Variants in RAB3GAP2 observed in about 807,000 individuals in gnomAD.
RAB3GAP2 encodes the protein RAB3 GTPase activating non-catalytic protein subunit 2.
Under a neutral mutation model 185.3 loss-of-function variants are expected in RAB3GAP2, and 87 were observed. The observed-to-expected ratio is 0.47, with a 90% CI of 0.39 to 0.56. The LOEUF is 0.56. Among genes scored for constraint, RAB3GAP2 ranks in the 20% least tolerant of loss-of-function variants. The probability of loss-of-function intolerance (pLI) is 0.00; values close to 1 mark genes in which losing one functional copy is unlikely to be tolerated. For synonymous variants in RAB3GAP2, 554 were observed against 576.1 expected (o/e 0.96, Z 0.55); for missense variants, 1,492 against 1,638.2 (o/e 0.91, Z 1.54).
At chr1:220,242,751 A>G (rs988149224) in intron 1 of RAB3GAP2, among the ~76,000 whole-genome samples, 1 of 152,224 alleles carries the variant, frequency 6.6e-6, no homozygotes, top group Admixed American at 6.5e-5. Context: ...AAATGAGTAG[A>G]GAAAATGTGA....
At chr1:220,253,434 T>TA (rs1659974492) in intron 1 of RAB3GAP2, 2 of 1,394,550 alleles carry the variant, frequency 1.4e-6, no homozygotes, top group East Asian at 5.1e-5. Context: ...GCCAGACTGT[T>TA]AAAAGAAAAC....
At chr1:220,260,649 A>G (rs1234391005) in intron 1 of RAB3GAP2, among the ~76,000 whole-genome samples, 1 of 152,122 alleles carries the variant, frequency 6.6e-6, no homozygotes, top group African/African-American at 2.4e-5. Context: ...TGCTGGGCTT[A>G]ATACCTGGGT....
At chr1:220,225,628 A>G (rs1450034269) in intron 2 of RAB3GAP2, among the ~76,000 whole-genome samples, 1 of 152,226 alleles carries the variant, frequency 6.6e-6, no homozygotes, top group African/African-American at 2.4e-5. Flanking sequence ...GAGAATCACT[A>G]GGCTAGACTA....
intron 28 of RAB3GAP2, among the ~76,000 whole-genome samples, chr1:220,161,973 T>C (rs1657970829): frequency 6.6e-6 from 1 of 152,196 alleles, no homozygotes; most frequent in African/African-American, 2.4e-5. Flanking sequence ...CTAATCTCTT[T>C]AGTTAAGAGG....
intron 2 of RAB3GAP2, among the ~76,000 whole-genome samples, chr1:220,218,180 G>A (rs888751292): frequency 1.3e-5 from 2 of 152,014 alleles, no homozygotes; most frequent in East Asian, 3.9e-4. Flanking sequence ...TGAAGACGGG[G>A]GAATAAAGAA....
At chr1:220,270,107 C>T (rs1204661978) in intron 1 of RAB3GAP2, among the ~76,000 whole-genome samples, 1 of 152,160 alleles carries the variant, frequency 6.6e-6, no homozygotes, top group Non-Finnish European at 1.5e-5. Flanking sequence ...TTTTTCTATC[C>T]TTTTCTTACC....
In RAB3GAP2 at chr1:220,253,851, A is replaced by G. The variant is rs1571930890; in HGVS notation, c.115+18372T>C. 2.5e-6 allele frequency: 4 copies of G among 1,612,870 alleles called. No homozygotes were observed. The South Asian group carries it at 4.4e-5, about 18-fold the overall frequency. ...AGGGGAAGATGAGAGGGGCTGCCCC[A>G]GGAAAGAAGACATCTGGTCTGCAAC... On this transcript the variant is annotated intron_variant, in intron 1 of 34. Coordinates refer to ENST00000358951, the MANE Select transcript of RAB3GAP2 (RefSeq NM_012414.4).
intron 1 of RAB3GAP2, among the ~76,000 whole-genome samples, chr1:220,262,364 C>G (rs1558175145): frequency 6.6e-6 from 1 of 152,054 alleles, no homozygotes; most frequent in Non-Finnish European, 1.5e-5. Flanking sequence ...TTAACCATTT[C>G]TAAGTGGACA....
intron 17 of RAB3GAP2, among the ~76,000 whole-genome samples, chr1:220,186,354 G>GT (rs1658507279): frequency 6.6e-6 from 1 of 152,164 alleles, no homozygotes; most frequent in African/African-American, 2.4e-5. Flanking sequence ...ATTAAGTTGG[G>GT]TTTTAATTAA....
At chr1:220,230,068 C>G (rs951896142) in intron 2 of RAB3GAP2, among the ~76,000 whole-genome samples, 1 of 151,990 alleles carries the variant, frequency 6.6e-6, no homozygotes, top group African/African-American at 2.4e-5. Context: ...TTACACAAAC[C>G]CCCTCCTTTC....
chr1:220,196,485 G>T, intron 9 of RAB3GAP2, 87 bp from the exon 10 acceptor site: 1 of 1,306,250 alleles, frequency 7.7e-7, no homozygotes, highest in Non-Finnish European at 1.1e-6. Flanking sequence ...GATGCTAAAT[G>T]TTTAGTTTTA....
At chr1:220,204,736 C>T (rs1008036034) in intron 8 of RAB3GAP2, among the ~76,000 whole-genome samples, 3 of 118,416 alleles carry the variant, frequency 2.5e-5, no homozygotes, top group Admixed American at 9.2e-5. Context: ...TCCCTCCCCC[C>T]TCCCCCCACC....
intron 14 of RAB3GAP2, among the ~76,000 whole-genome samples, chr1:220,190,823 G>A (rs1245060506): frequency 6.6e-6 from 1 of 151,954 alleles, no homozygotes; most frequent in Non-Finnish European, 1.5e-5. Flanking sequence ...CCCAGCATAA[G>A]TAAGGGACAA....
rs74771160 is a variant in RAB3GAP2 at position 220,202,534 on chromosome 1, A to C, written c.713-160T>G. Among the ~76,000 whole-genome samples, 94 of 152,374 alleles carry C rather than the reference A, an allele frequency of 6.2e-4. 1 individual carries two copies. The East Asian group carries it at 8.7e-3, about 14-fold the overall frequency. ...TAAGGTGAGATTTATTCACACCAAG[A>C]CAATGCACGTAAAATGCAAACATTT... On this transcript the variant is annotated intron_variant, in intron 8 of 34. Transcript: ENST00000358951.
chr1:220,152,126 A>G (rs1657768631), intron 33 of RAB3GAP2, among the ~76,000 whole-genome samples: 1 of 152,112 alleles, frequency 6.6e-6, no homozygotes, highest in South Asian at 2.1e-4. Flanking sequence ...CCCAAGCTGG[A>G]GTGCAGTGGT....
At position 220,149,533 on chromosome 1, in the gene RAB3GAP2, GA is replaced by G. The variant is rs1657702996; in HGVS notation, c.*1717del. The G allele has an allele frequency of 6.6e-6, 1 of 151,726 alleles. No homozygotes were observed. The highest frequency in any genetic ancestry group is 2.1e-4 in the South Asian group (1 of 4,800). The allele number at this position is 151,726 out of a possible 1,614,324, so 9.4% of individuals were successfully genotyped here. A position where few individuals can be genotyped will look rare whatever the true frequency, so the allele number is the denominator to read the frequency against. ...TTCAGCGTACTTGGAAAAATCACAGGAAGAACTAATCTCTTAGAAAACATAT... is the reference window on the plus strand; with the variant it reads ...TTCAGCGTACTTGGAAAAATCACAGGAGAACTAATCTCTTAGAAAACATAT... On this transcript the variant is annotated 3_prime_UTR_variant, in exon 35 of 35. Transcript: ENST00000358951.
chr1:220,269,002 C>G (rs1660284160), intron 1 of RAB3GAP2, among the ~76,000 whole-genome samples: 1 of 152,206 alleles, frequency 6.6e-6, no homozygotes, highest in South Asian at 2.1e-4. Context: ...TCAATAACCA[C>G]ATGTGCCTAG....
chr1:220,232,948 C>A, intron 1 of RAB3GAP2, 85 bp from the exon 2 acceptor site: 2 of 1,149,368 alleles, frequency 1.7e-6, no homozygotes, highest in Non-Finnish European at 2.6e-6. Flanking sequence ...ATCATAGAAC[C>A]AACCCCTGTA....
At chr1:220,233,064 T>C (rs1307775506) in intron 1 of RAB3GAP2, among the ~76,000 whole-genome samples, 2 of 152,214 alleles carry the variant, frequency 1.3e-5, no homozygotes, top group African/African-American at 4.8e-5. Flanking sequence ...TTTCTAAATT[T>C]ATATATTAGC....
Sources: allele counts gnomAD v4.1 joint callset (sites outside exome capture counted in the v4.1 genomes callset), GRCh38; gene constraint gnomAD v4.1.1; transcripts MANE v1.5; gene names NCBI Gene and HGNC (gene_info 2026-07-23, HGNC 2026-07-21).